The following SH3BP1 variants were observed in gnomAD, a reference collection of about 807,000 sequenced individuals.
SH3BP1 encodes SH3 domain-binding protein 1.
Under a neutral mutation model 69.8 loss-of-function variants are expected in SH3BP1, and 46 were observed. The observed-to-expected ratio is 0.66, with a 90% CI of 0.52 to 0.84. SH3BP1 has a LOEUF of 0.84. Among genes scored for constraint, SH3BP1 ranks in the 40% least tolerant of loss-of-function variants. SH3BP1 has a pLI of 0.00. For synonymous variants in SH3BP1, 403 were observed against 378.0 expected, an observed-to-expected ratio of 1.07 and a Z score of -0.77; for missense variants, 868 against 930.9, an observed-to-expected ratio of 0.93 and a Z score of 0.88.
rs1353866958 is a variant in SH3BP1 at position 37,641,488 on chromosome 22, G to A, written c.207+10G>A. On this transcript the variant is annotated intron_variant, in intron 3 of 17. Coordinates refer to ENST00000649765, the MANE Select transcript of SH3BP1 (RefSeq NM_018957.6). The stretch of plus-strand genomic sequence containing the variant: ...CATGGACAAGCGGGTGGTGAGTGGG[G>A]GGTCCCGGGAAGGAGGGGCCTGAGC... The A allele has an allele frequency of 3.2e-6, 5 of 1,546,656 alleles. No homozygotes were observed. The highest frequency in any genetic ancestry group is 4.4e-6 in the Non-Finnish European group (5 of 1,144,608).
At chr22:37,647,133 A>G (rs1932798709) in intron 11 of SH3BP1, 134 bp from the exon 12 acceptor site, 1 of 866,782 alleles carries the variant, frequency 1.2e-6, no homozygotes. Flanking sequence ...TCATTTTCTC[A>G]AAAGGGCCTA....
In SH3BP1 at chr22:37,646,892, C is replaced by T; in HGVS notation, c.999C>T (p.Ser333=). Residue 333 remains serine (S), a synonymous_variant, in exon 11 of 18, where the codon AGC becomes AGT. Transcript: ENST00000649765. ...AGACAATGGCCTCGGACCCCCACAG[C>T]CTGGAGGAGTTCTGCTCCGACCCGC... The part of the protein sequence containing the change: ...LKQTMASDPH[S]LEEFCSDPHA... 6.4e-7 allele frequency: 1 copy of T among 1,562,926 alleles called. No homozygotes were observed. Among genetic ancestry groups the T allele is most frequent in the Non-Finnish European group, 8.6e-7 (1 of 1,156,864 alleles).
rs1258271805 is a variant in SH3BP1 at position 37,650,236 on chromosome 22, C to T, written c.1401C>T (p.Thr467=). 1.9e-6 allele frequency: 3 copies of T among 1,609,730 alleles called. No individual in the cohort carries two copies. Among genetic ancestry groups the T allele is most frequent in the Admixed American group, 3.4e-5 (2 of 59,308 alleles). Residue 467 remains threonine (T), a synonymous_variant, in exon 15 of 18, where the codon ACC becomes ACT. Transcript: ENST00000649765. The stretch of plus-strand genomic sequence containing the variant: ...AGGCGCTGATCCAGAGCGCAGACAC[C>T]CTCTTCCCTGGAGGTGAAGCTCCTG... ...VVEALIQSAD[T]LFPGDINFNV... is the part of the protein sequence containing the mutation.
rs763080154 is a variant in SH3BP1, at chr22:37,655,730, C to T, written c.*46C>T. The T allele has an allele frequency of 1.5e-5, 21 of 1,448,278 alleles. No homozygotes were observed. The Admixed American group carries it at 1.9e-4, about 13-fold the overall frequency. 89.7% of individuals were successfully genotyped at this position (1,448,278 alleles called of 1,614,324 possible). ...CAGCCCTCAGCACCCCCTCCCTCCC[C>T]ACCTGGCCCTCCCAGGACAGCTCTC... On this transcript the variant is annotated 3_prime_UTR_variant, in exon 18 of 18. Coordinates refer to ENST00000649765, the MANE Select transcript of SH3BP1 (RefSeq NM_018957.6).
chr22:37,646,964 G>A lies in SH3BP1; in HGVS notation c.1036+35G>A, dbSNP rs202048293. 2.1e-4 allele frequency: 288 copies of A among 1,395,322 alleles called. 2 individuals are homozygous for A. The Middle Eastern group carries it at 3.0e-3, about 14-fold the overall frequency. The allele number at this position is 1,395,322 out of a possible 1,614,324, so 86.4% of individuals were successfully genotyped here. ...CCGGGGAGCCCTGGGCAGGAGGTTG[G>A]GGGGGAGGGGGTGCAGTGGCTTGAA... On this transcript the variant is annotated intron_variant, in intron 11 of 17. Coordinates refer to ENST00000649765, the MANE Select transcript of SH3BP1 (RefSeq NM_018957.6).
rs201693257 is a variant in SH3BP1 at position 37,641,106 on chromosome 22, C to G, written c.60-20C>G. 7.8e-4 allele frequency: 1,040 copies of G among 1,330,592 alleles called. 19 individuals are homozygous for G. Among genetic ancestry groups the G allele is most frequent in the East Asian group, 3.6e-3 (145 of 39,952 alleles). The allele number at this position is 1,330,592 out of a possible 1,614,324, so 82.4% of individuals were successfully genotyped here. A position where few individuals can be genotyped will look rare whatever the true frequency, so the allele number is the denominator to read the frequency against. ...GCTCAGCAGAAGCACTCTCCCCCCCCCCCCCACCACTCCCCGCAGCACCCC... is the reference window on the plus strand; with the variant it reads ...GCTCAGCAGAAGCACTCTCCCCCCCGCCCCCACCACTCCCCGCAGCACCCC... On this transcript the variant is annotated intron_variant, in intron 1 of 17. Transcript: ENST00000649765.
chr22:37,648,513 G>T, intron 14 of SH3BP1, 78 bp downstream of exon 14: 1 of 1,045,328 alleles, frequency 9.6e-7, no homozygotes. Context: ...ATTTTTCCCC[G>T]GGGCCTTGGT....
Position 37,655,462 on chromosome 22 carries a change from T to G in SH3BP1, c.1884T>G (p.Pro628=). The G allele has an allele frequency of 1.1e-5, 3 of 267,684 alleles. No homozygotes were observed. The highest frequency in any genetic ancestry group is 1.5e-5 in the Non-Finnish European group (3 of 196,754). 16.6% of individuals were successfully genotyped at this position (267,684 alleles called of 1,614,324 possible). A position where few individuals can be genotyped will look rare whatever the true frequency, so the allele number is the denominator to read the frequency against. Reference sequence around the variant, plus strand: ...CACCCCCGTTACCCCCCACACCCCCTCAGCCTGCCCGGCGCCAAAGCCGGC... The same window carrying G: ...CACCCCCGTTACCCCCCACACCCCCGCAGCCTGCCCGGCGCCAAAGCCGGC... ...TVPPPLPPTP[P]QPARRQSRRS... is the part of the protein sequence containing the mutation. The change falls in exon 18 of 18, where the codon CCT becomes CCG. Residue 628 remains proline, a synonymous_variant. Coordinates refer to ENST00000649765, the MANE Select transcript of SH3BP1 (RefSeq NM_018957.6).
chr22:37,650,403 G>A (rs1447162008), intron 15 of SH3BP1, 139 bp from the exon 16 acceptor site: 8 of 1,489,482 alleles, frequency 5.4e-6, no homozygotes, highest in African/African-American at 1.4e-5. Context: ...GCTTTGTGGG[G>A]TGGTGGTGAG....
chr22:37,649,372 G>C (rs1932836969), intron 14 of SH3BP1, among the ~76,000 whole-genome samples: 1 of 152,084 alleles, frequency 6.6e-6, no homozygotes, highest in Non-Finnish European at 1.5e-5. Flanking sequence ...TGAAGTCTCA[G>C]CTACTCAGAA....
rs1453974800 is a variant in SH3BP1 at position 37,643,009 on chromosome 22, G to A, written c.396+3G>A. ...AGCCACTCAGCAGGCTGAGTGAGGT[G>A]AGCCTGTGCCCTGCTTTCAGCCCCC... On this transcript the variant is annotated splice_donor_region_variant and intron_variant, in intron 5 of 17. Coordinates refer to ENST00000649765, the MANE Select transcript of SH3BP1 (RefSeq NM_018957.6). 3 of 1,611,914 alleles carry A rather than the reference G, an allele frequency of 1.9e-6. No homozygotes were observed. Among genetic ancestry groups the A allele is most frequent in the Non-Finnish European group, 2.5e-6 (3 of 1,178,854 alleles).
At chr22:37,646,261 C>T (rs369497316) in intron 10 of SH3BP1, among the ~76,000 whole-genome samples, 2 of 146,300 alleles carry the variant, frequency 1.4e-5, no homozygotes, top group South Asian at 2.2e-4. Context: ...CTGCGCCCGA[C>T]CCTTTTTTTT....
At chr22:37,641,253 G>C in intron 2 of SH3BP1, 85 bp downstream of exon 2, 1 of 1,514,880 alleles carries the variant, frequency 6.6e-7, no homozygotes, top group Non-Finnish European at 9.0e-7. Context: ...CGCCAGGTAG[G>C]GGCCTGGGTT....
chr22:37,647,119 G>A, intron 11 of SH3BP1, 148 bp from the exon 12 acceptor site: 1 of 814,854 alleles, frequency 1.2e-6, no homozygotes, highest in Non-Finnish European at 2.0e-6. Context: ...AAGATGGCTA[G>A]CCTTCATTTT....
chr22:37,646,962 TG>T lies in SH3BP1; in HGVS notation c.1036+40del, dbSNP rs532786001. ...ATCCGGGGAGCCCTGGGCAGGAGGT[TG>T]GGGGGGAGGGGGTGCAGTGGCTTGA... On this transcript the variant is annotated intron_variant, in intron 11 of 17. Transcript: ENST00000649765. 1,238 of 1,417,410 alleles carry T rather than the reference TG, an allele frequency of 8.7e-4. 9 individuals are homozygous for T. The African/African-American group carries it at 0.015, about 17-fold the overall frequency. 87.8% of individuals were successfully genotyped at this position (1,417,410 alleles called of 1,614,324 possible).
intron 14 of SH3BP1, chr22:37,648,687 C>A: frequency 2.5e-6 from 1 of 400,806 alleles, no homozygotes. Flanking sequence ...GCTGGGAGCC[C>A]AGAGATCGGG....
In SH3BP1 at chr22:37,650,585, C is replaced by T; in HGVS notation, c.1458C>T (p.Leu486=). 6.2e-7 allele frequency: 1 copy of T among 1,614,044 alleles called. No homozygotes were observed. The highest frequency in any genetic ancestry group is 8.5e-7 in the Non-Finnish European group (1 of 1,180,000). ...NVSGLFSAVT[L]QDTVSDRLAS... ...CAGGCCTCTTCTCAGCTGTTACCCT[C>T]CAGGACACAGTCAGTGACAGGCTGG... The change falls in exon 16 of 18, where the codon CTC becomes CTT. Residue 486 remains leucine, a synonymous_variant. Transcript: ENST00000649765.
In SH3BP1 at chr22:37,641,481, G is replaced by C; in HGVS notation, c.207+3G>C. On this transcript the variant is annotated splice_donor_region_variant and intron_variant, in intron 3 of 17. Coordinates refer to ENST00000649765, the MANE Select transcript of SH3BP1 (RefSeq NM_018957.6). ...GGGCAGACATGGACAAGCGGGTGGT[G>C]AGTGGGGGGTCCCGGGAAGGAGGGG... The C allele has an allele frequency of 1.9e-6, 3 of 1,548,766 alleles. No homozygotes were observed. Among genetic ancestry groups the C allele is most frequent in the Non-Finnish European group, 2.6e-6 (3 of 1,145,914 alleles).
Position 37,641,413 on chromosome 22 carries a change from A to G in SH3BP1, c.142A>G (p.Asn48Asp). 1.3e-6 allele frequency: 2 copies of G among 1,550,990 alleles called. No individual in the cohort carries two copies. The highest frequency in any genetic ancestry group is 1.7e-6 in the Non-Finnish European group (2 of 1,147,090). Residue 48 changes from asparagine (N) to aspartate (D), a missense_variant, in exon 3 of 18, where the codon AAC becomes GAC. Transcript: ENST00000649765. ...GGAGCCGGCCAAGCGGGCAGCCCAC[A>G]ACATCCACAAGCGGCTGCAGGCCTG... ...RLEPAKRAAHNIHKRLQACLQ... is the reference protein window; with the variant it reads ...RLEPAKRAAHDIHKRLQACLQ...
Sources: gnomAD v4.1 joint callset for allele counts (sites outside exome capture counted in the v4.1 genomes callset) on GRCh38, gnomAD v4.1.1 for gene constraint, MANE v1.5 for transcripts, NCBI Gene and HGNC (gene_info 2026-07-23, HGNC 2026-07-21) for gene names.